The following CRIPT variants were observed in gnomAD, a reference collection of about 807,000 sequenced individuals.
CRIPT encodes CXXC repeat containing interactor of PDZ3 domain.
Under a neutral mutation model 16.6 loss-of-function variants are expected in CRIPT, and 20 were observed. That is an observed-to-expected ratio of 1.20 (90% CI 0.85 to 1.75). CRIPT has a LOEUF of 1.75. CRIPT is among the 40% of genes most tolerant of loss of function. CRIPT has a pLI of 0.00. For missense variants in CRIPT, 133 were observed against 115.3 expected, an observed-to-expected ratio of 1.15 and a Z score of -0.70; for synonymous variants, 42 against 37.0, an observed-to-expected ratio of 1.14 and a Z score of -0.49.
At chr2:46,619,585 G>A (rs1015438143) in intron 2 of CRIPT, 42 bp from the exon 3 acceptor site, 2 of 1,360,258 alleles carry the variant, frequency 1.5e-6, no homozygotes, top group Non-Finnish European at 1.0e-6. Flanking sequence ...TATGTTAAAT[G>A]TATAGAAATA....
intron 3 of CRIPT, among the ~76,000 whole-genome samples, chr2:46,622,495 A>G (rs562827839): frequency 1.3e-5 from 2 of 152,246 alleles, no homozygotes; most frequent in Non-Finnish European, 2.9e-5. Flanking sequence ...AAGGAAGAAG[A>G]GTACCTATCT....
At chr2:46,620,013 C>A (rs559799038) in intron 3 of CRIPT, among the ~76,000 whole-genome samples, 4 of 152,290 alleles carry the variant, frequency 2.6e-5, no homozygotes, top group Admixed American at 2.6e-4. Context: ...AAATTTGAAT[C>A]TAGACTCACT....
chr2:46,627,524 A>G lies in CRIPT; in HGVS notation c.*3297A>G, dbSNP rs1319124972. On this transcript the variant is annotated 3_prime_UTR_variant, in exon 5 of 5. Transcript: ENST00000238892. Reference sequence around the variant, plus strand: ...AGTGGTACAATCTTGGCTCACCACAACCTCCACCTCCCAGGCTCAAGCGAT... The same window carrying G: ...AGTGGTACAATCTTGGCTCACCACAGCCTCCACCTCCCAGGCTCAAGCGAT... Among the ~76,000 whole-genome samples the G allele has an allele frequency of 4.0e-5, 6 of 150,746 alleles. No individual in the cohort carries two copies. Among genetic ancestry groups the G allele is most frequent in the African/African-American group, 1.5e-4 (6 of 40,914 alleles).
rs1451201600 is a variant in CRIPT at position 46,625,994 on chromosome 2, A to T, written c.*1767A>T. 6.6e-6 allele frequency among the ~76,000 whole-genome samples: 1 copy of T among 152,162 alleles called. No individual in the cohort carries two copies. Among genetic ancestry groups the T allele is most frequent in the Non-Finnish European group, 1.5e-5 (1 of 68,030 alleles). On this transcript the variant is annotated 3_prime_UTR_variant, in exon 5 of 5. Transcript: ENST00000238892. ...GTAGGGGTACATGTGCAGGTGAGTT[A>T]TATGGGTATATTTTGTGATGCTGAG...
chr2:46,624,047 T>TTTTTTTTG, intron 4 of CRIPT, 116 bp from the exon 5 acceptor site: 1 of 472,260 alleles, frequency 2.1e-6, no homozygotes, highest in East Asian at 4.3e-5. Flanking sequence ...ATATATTTTT[T>TTTTTTTTG]TTTTCTTTTC....
chr2:46,628,608 A>T lies in CRIPT; in HGVS notation c.*4381A>T, dbSNP rs1670999446. Among the ~76,000 whole-genome samples the T allele has an allele frequency of 6.6e-6, 1 of 152,178 alleles. No homozygotes were observed. The highest frequency in any genetic ancestry group is 1.5e-5 in the Non-Finnish European group (1 of 68,026). ...GTAGTTCTTGTCCAGCTCACATTTT[A>T]TCTTCATACTTTGAGTAGCCTCCTT... On this transcript the variant is annotated 3_prime_UTR_variant, in exon 5 of 5. Transcript: ENST00000238892.
chr2:46,626,275 T>C lies in CRIPT; in HGVS notation c.*2048T>C, dbSNP rs1670937566. Among the ~76,000 whole-genome samples, 1 of 152,232 alleles carries C rather than the reference T, an allele frequency of 6.6e-6. No homozygotes were observed. The highest frequency in any genetic ancestry group is 6.5e-5 in the Admixed American group (1 of 15,282). ...TGCAAAAGACATGATTTTCATTCTT[T>C]TTTATGGCTGCATAGTATTCTGTGG... On this transcript the variant is annotated 3_prime_UTR_variant, in exon 5 of 5. Transcript: ENST00000238892.
At chr2:46,621,825 C>G (rs1572795194) in intron 3 of CRIPT, among the ~76,000 whole-genome samples, 1 of 152,324 alleles carries the variant, frequency 6.6e-6, no homozygotes, top group African/African-American at 2.4e-5. Flanking sequence ...ATATTATTGA[C>G]TGACTTATTG....
At chr2:46,621,607 A>T (rs1670805643) in intron 3 of CRIPT, among the ~76,000 whole-genome samples, 1 of 152,178 alleles carries the variant, frequency 6.6e-6, no homozygotes, top group Non-Finnish European at 1.5e-5. Flanking sequence ...ATATTATCTG[A>T]TGAGGGCAAG....
Position 46,623,853 on chromosome 2 carries a change from G to T in CRIPT, c.227G>T (p.Cys76Phe). The T allele has an allele frequency of 6.2e-7, 1 of 1,602,636 alleles. No homozygotes were observed. Among genetic ancestry groups the T allele is most frequent in the Non-Finnish European group, 8.5e-7 (1 of 1,174,330 alleles). Residue 76 changes from cysteine (C) to phenylalanine (F), a missense_variant, in exon 4 of 5, where the codon TGT becomes TTT. Physicochemically the swap from Cys to Phe is radical, Grantham distance 205 (BLOSUM62 -2). Transcript: ENST00000238892. Reference protein sequence around the residue: ...HQPGSHYCQGCAYKKGICAMC... With the variant: ...HQPGSHYCQGFAYKKGICAMC... The stretch of plus-strand genomic sequence containing the variant: ...CCAGGTTCTCATTACTGCCAGGGCT[G>T]TGCCTACAAAAAAGGTAAGTTTCTT...
Position 46,624,316 on chromosome 2 carries a change from G to A in CRIPT, c.*89G>A, listed in dbSNP as rs1670882988. The A allele has an allele frequency of 1.3e-6, 1 of 794,486 alleles. No homozygotes were observed. The highest frequency in any genetic ancestry group is 1.9e-6 in the Non-Finnish European group (1 of 529,270). The allele number at this position is 794,486 out of a possible 1,614,324, so 49.2% of individuals were successfully genotyped here. Reference sequence around the variant, plus strand: ...TAGATGTCAACTTACAGAATAACATGTTTTAAGATAATTAAGTTTAAACCA... The same window carrying A: ...TAGATGTCAACTTACAGAATAACATATTTTAAGATAATTAAGTTTAAACCA... On this transcript the variant is annotated 3_prime_UTR_variant, in exon 5 of 5. Transcript: ENST00000238892.
At chr2:46,617,427 C>G in intron 1 of CRIPT, 129 bp downstream of exon 1, 1 of 1,082,934 alleles carries the variant, frequency 9.2e-7, no homozygotes. Flanking sequence ...TGTCTTTCTA[C>G]CCTACCCTTT....
intron 3 of CRIPT, among the ~76,000 whole-genome samples, chr2:46,621,993 A>G (rs1471692381): frequency 6.6e-6 from 1 of 152,248 alleles, no homozygotes; most frequent in African/African-American, 2.4e-5. Context: ...TGGAAAATGT[A>G]CTACAGTATT....
Position 46,627,043 on chromosome 2 carries a change from G to A in CRIPT, c.*2816G>A, listed in dbSNP as rs1670954608. Among the ~76,000 whole-genome samples the A allele has an allele frequency of 6.6e-6, 1 of 152,156 alleles. No homozygotes were observed. The highest frequency in any genetic ancestry group is 2.4e-5 in the African/African-American group (1 of 41,416). On this transcript the variant is annotated 3_prime_UTR_variant, in exon 5 of 5. Coordinates refer to ENST00000238892, the MANE Select transcript of CRIPT (RefSeq NM_014171.6). Reference sequence around the variant, plus strand: ...AGACAGGGTTTCACCATGTTGGCCAGCCTGGTCTCGAATTCCTGACCTCAG... The same window carrying A: ...AGACAGGGTTTCACCATGTTGGCCAACCTGGTCTCGAATTCCTGACCTCAG...
intron 3 of CRIPT, among the ~76,000 whole-genome samples, chr2:46,622,779 C>T (rs1032580599): frequency 9.9e-5 from 15 of 151,456 alleles, no homozygotes; most frequent in African/African-American, 3.6e-4. Context: ...CGCCATTGCA[C>T]TCTAGCCTGG....
At chr2:46,623,291 G>C (rs191271387) in intron 3 of CRIPT, among the ~76,000 whole-genome samples, 3 of 152,148 alleles carry the variant, frequency 2.0e-5, no homozygotes, top group African/African-American at 4.8e-5. Context: ...CTTTAAAGTA[G>C]AGCAAAAATT....
Position 46,619,622 on chromosome 2 carries a change from T to TA in CRIPT, c.83-4dup. 2 of 1,605,024 alleles carry TA rather than the reference T, an allele frequency of 1.2e-6. No homozygotes were observed. ...CCCACTAAAATATCTTTTATTCTGA[T>TA]ACAGAAAGTGGTGGAAGAAAGCTGA... On this transcript the variant is annotated splice_region_variant and splice_polypyrimidine_tract_variant and intron_variant, in intron 2 of 4. Transcript: ENST00000238892.
At chr2:46,623,694 C>T (rs1018742091) in intron 3 of CRIPT, 70 bp from the exon 4 acceptor site, 32 of 798,702 alleles carry the variant, frequency 4.0e-5, no homozygotes, top group Admixed American at 6.4e-5. Context: ...CTGTGTGTTG[C>T]GTAAGTGGGG....
In CRIPT at chr2:46,628,912, A is replaced by T. The variant is rs953367646; in HGVS notation, c.*4685A>T. 9.9e-5 allele frequency among the ~76,000 whole-genome samples: 15 copies of T among 152,254 alleles called. No homozygotes were observed. The highest frequency in any genetic ancestry group is 3.4e-4 in the African/African-American group (14 of 41,474). ...TTGAAAAATGCAGAAAAAAAGTTTA[A>T]AAACAAGGAATTAAAGCCAAACCTA... On this transcript the variant is annotated 3_prime_UTR_variant, in exon 5 of 5. Coordinates refer to ENST00000238892, the MANE Select transcript of CRIPT (RefSeq NM_014171.6).
Sources: gnomAD v4.1 joint callset for allele counts (sites outside exome capture counted in the v4.1 genomes callset) on GRCh38, gnomAD v4.1.1 for gene constraint, MANE v1.5 for transcripts, NCBI Gene and HGNC (gene_info 2026-07-23, HGNC 2026-07-21) for gene names.